DTD1: variants seen among roughly 807,000 people sequenced by gnomAD.
The protein encoded by DTD1 is D-aminoacyl-tRNA deacylase 1.
A neutral mutation model predicts 25.6 loss-of-function variants in DTD1; 13 were observed. The ratio of observed to expected loss-of-function variants is 0.51; its 90% CI spans 0.33 to 0.81. DTD1 has a LOEUF of 0.81. Among genes scored for constraint, DTD1 ranks in the 30% least tolerant of loss-of-function variants. DTD1 has a pLI of 0.02. For missense variants in DTD1, 193 were observed against 266.4 expected, an observed-to-expected ratio of 0.72 and a Z score of 1.92; for synonymous variants, 110 against 103.6, an observed-to-expected ratio of 1.06 and a Z score of -0.37.
At chr20:18,656,587 T>G (rs1215627416) in intron 4 of DTD1, among the ~76,000 whole-genome samples, 6 of 152,296 alleles carry the variant, frequency 3.9e-5, no homozygotes, top group African/African-American at 1.4e-4. Context: ...ACATGGATGC[T>G]GGGGGAGCAC....
At position 18,704,789 on chromosome 20, in the gene DTD1, T is replaced by C. The variant is rs527654644; in HGVS notation, c.478-39311T>C. Among the ~76,000 whole-genome samples, 3 of 152,154 alleles carry C rather than the reference T, an allele frequency of 2.0e-5. No homozygotes were observed. In the East Asian group the frequency reaches 5.8e-4, roughly 29 times the overall value. ...ATCCAGCTCCGAATGTCAGTAGTGC[T>C]GAGGTTGAGAAACACCACTGCAGAG... On this transcript the variant is annotated intron_variant, in intron 4 of 5. Transcript: ENST00000377452.
rs1223652360 is a variant in DTD1, at chr20:18,661,589, T to A, written c.477+33356T>A. ...GGTTTCACCGTGTTAGCCAGGATGG[T>A]TTTGATCTCCTGACCTCGTGATCTG... On this transcript the variant is annotated intron_variant, in intron 4 of 5. Coordinates refer to ENST00000377452, the MANE Select transcript of DTD1 (RefSeq NM_080820.6). Among the ~76,000 whole-genome samples, 10 of 152,148 alleles carry A rather than the reference T, an allele frequency of 6.6e-5. 1 individual carries two copies. Among genetic ancestry groups the A allele is most frequent in the Non-Finnish European group, 1.2e-4 (8 of 68,026 alleles).
At chr20:18,672,215 C>A (rs2060953466) in intron 4 of DTD1, among the ~76,000 whole-genome samples, 1 of 152,028 alleles carries the variant, frequency 6.6e-6, no homozygotes, top group Non-Finnish European at 1.5e-5. Context: ...GCCCAAGTGA[C>A]AAAGTGAGAC....
At chr20:18,708,221 A>G (rs1366381515) in intron 4 of DTD1, among the ~76,000 whole-genome samples, 487 of 4,924 alleles carry the variant, frequency 0.099, 29 homozygotes, top group East Asian at 0.29. Flanking sequence ...TATATATAAT[A>G]TATATATATT....
intron 4 of DTD1, among the ~76,000 whole-genome samples, chr20:18,711,086 A>G (rs2061156723): frequency 2.6e-5 from 4 of 152,152 alleles, no homozygotes; most frequent in Non-Finnish European, 4.4e-5. Context: ...TCTTCCCACT[A>G]CTGCAGTGAG....
chr20:18,678,802 C>T (rs1279884719), intron 4 of DTD1: 5 of 152,112 alleles, frequency 3.3e-5, no homozygotes, highest in African/African-American at 7.3e-5. Flanking sequence ...TTTTTCTCCC[C>T]TCCCCTGCTC....
intron 5 of DTD1, among the ~76,000 whole-genome samples, chr20:18,747,179 C>G (rs1056328277): frequency 1.3e-5 from 2 of 152,170 alleles, no homozygotes; most frequent in East Asian, 3.9e-4. Context: ...CTTTAAGATA[C>G]TTTTTCAGTT....
At chr20:18,652,976 G>C (rs2060879611) in intron 4 of DTD1, among the ~76,000 whole-genome samples, 1 of 152,178 alleles carries the variant, frequency 6.6e-6, no homozygotes. Context: ...GTTGTTGGCT[G>C]ACTTGCTTAA....
chr20:18,608,932 A>G (rs2060674493), intron 3 of DTD1, among the ~76,000 whole-genome samples: 1 of 152,170 alleles, frequency 6.6e-6, no homozygotes, highest in Non-Finnish European at 1.5e-5. Flanking sequence ...AAATATCATC[A>G]TATTTTACCC....
intron 4 of DTD1, among the ~76,000 whole-genome samples, chr20:18,694,066 C>A (rs973514198): frequency 1.2e-4 from 19 of 152,098 alleles, no homozygotes; most frequent in African/African-American, 4.6e-4. Flanking sequence ...CCATGGTCGA[C>A]CTTTCTGGAA....
chr20:18,620,033 T>TTGTC (rs1425991903), intron 3 of DTD1: 1 of 152,196 alleles, frequency 6.6e-6, no homozygotes, highest in Admixed American at 6.5e-5. Context: ...TCTATTCTTT[T>TTGTC]TGTCTGTCTG....
Position 18,632,112 on chromosome 20 carries a change from G to A in DTD1, c.477+3879G>A, listed in dbSNP as rs571986439. 1.3e-4 allele frequency: 126 copies of A among 954,926 alleles called. 1 individual carries two copies. In the South Asian group the frequency reaches 5.5e-3, roughly 41 times the overall value. The allele number at this position is 954,926 out of a possible 1,614,324, so 59.2% of individuals were successfully genotyped here. ...TTGACTGTAGTAATCACTTCACTAT[G>A]TGTATGTAGATCAGAGCATCATGCT... On this transcript the variant is annotated intron_variant, in intron 4 of 5. Coordinates refer to ENST00000377452, the MANE Select transcript of DTD1 (RefSeq NM_080820.6).
At position 18,655,379 on chromosome 20, in the gene DTD1, G is replaced by A. The variant is rs1055647435; in HGVS notation, c.477+27146G>A. On this transcript the variant is annotated intron_variant, in intron 4 of 5. Coordinates refer to ENST00000377452, the MANE Select transcript of DTD1 (RefSeq NM_080820.6). ...TTTATCTGTATGAGTTAGTTTTCTC[G>A]CTTCTTTTAGTGAGAGTGATAATTT... Among the ~76,000 whole-genome samples the A allele has an allele frequency of 2.6e-5, 4 of 152,278 alleles. No homozygotes were observed. The South Asian group carries it at 6.2e-4, about 24-fold the overall frequency.
At chr20:18,726,557 G>C (rs2061223159) in intron 4 of DTD1, among the ~76,000 whole-genome samples, 1 of 152,148 alleles carries the variant, frequency 6.6e-6, no homozygotes, top group Non-Finnish European at 1.5e-5. Flanking sequence ...CCTTGTGCAT[G>C]GATGTGAAGA....
intron 4 of DTD1, among the ~76,000 whole-genome samples, chr20:18,652,125 C>T (rs1236550751): frequency 1.3e-5 from 2 of 152,194 alleles, no homozygotes; most frequent in African/African-American, 4.8e-5. Flanking sequence ...GTGGAACTGT[C>T]TGCAGTGGTT....
In DTD1 at chr20:18,685,097, C is replaced by G. The variant is rs576595134; in HGVS notation, c.477+56864C>G. 3.9e-5 allele frequency among the ~76,000 whole-genome samples: 6 copies of G among 152,244 alleles called. No homozygotes were observed. In the East Asian group the frequency reaches 1.2e-3, roughly 29 times the overall value. ...AAAATTTCTTTTGAAGAAACGGGGT[C>G]TCACTGTATTGCCCAGGCCAGTCCC... On this transcript the variant is annotated intron_variant, in intron 4 of 5. Coordinates refer to ENST00000377452, the MANE Select transcript of DTD1 (RefSeq NM_080820.6).
chr20:18,721,552 ATAT>A (rs1346280398), intron 4 of DTD1, among the ~76,000 whole-genome samples: 2 of 152,138 alleles, frequency 1.3e-5, no homozygotes, highest in African/African-American at 2.4e-5. Flanking sequence ...AATTGAATTA[ATAT>A]TATCCTCATA....
At chr20:18,705,276 G>A (rs1043727526) in intron 4 of DTD1, among the ~76,000 whole-genome samples, 5 of 152,096 alleles carry the variant, frequency 3.3e-5, no homozygotes, top group Admixed American at 6.5e-5. Flanking sequence ...ATTAACAATT[G>A]GTAATTTTGA....
intron 4 of DTD1, among the ~76,000 whole-genome samples, chr20:18,738,824 T>A (rs1473206059): frequency 6.6e-6 from 1 of 152,212 alleles, no homozygotes; most frequent in East Asian, 1.9e-4. Flanking sequence ...GGGACATTGA[T>A]GATCATTCAA....
Sources: allele counts gnomAD v4.1 joint callset (sites outside exome capture counted in the v4.1 genomes callset), GRCh38; gene constraint gnomAD v4.1.1; transcripts MANE v1.5; gene names NCBI Gene and HGNC (gene_info 2026-07-23, HGNC 2026-07-21).